Variants in TIMM23 observed in about 807,000 individuals in gnomAD.
TIMM23 encodes the protein mitochondrial import inner membrane translocase subunit Tim23.
TIMM23 carries 19 observed loss-of-function variants against 30.7 expected under a neutral mutation model. The ratio of observed to expected loss-of-function variants is 0.62; its 90% CI spans 0.43 to 0.91. The LOEUF (loss-of-function observed/expected upper bound fraction) is 0.91, where lower values mean the gene tolerates loss of function less well. Ranked by LOEUF, TIMM23 falls within the 40% of genes least tolerant of loss-of-function variation. TIMM23 has a pLI of 0.00. For missense variants in TIMM23, 202 were observed against 269.2 expected, an observed-to-expected ratio of 0.75 and a Z score of 1.75; for synonymous variants, 78 against 98.5, an observed-to-expected ratio of 0.79 and a Z score of 1.23.
In TIMM23 at chr10:45,982,581, T is replaced by G; in HGVS notation, c.224T>G (p.Leu75Arg). 1 of 1,613,994 alleles carries G rather than the reference T, an allele frequency of 6.2e-7. No individual in the cohort carries two copies. Among genetic ancestry groups the G allele is most frequent in the Non-Finnish European group, 8.5e-7 (1 of 1,179,868 alleles). Residue 75 changes from leucine to arginine, a missense_variant, in exon 3 of 7, where the codon CTG becomes CGG. By Grantham distance (102) the Leu-to-Arg change is moderately radical (BLOSUM62 -2). Coordinates refer to ENST00000580018, the MANE Select transcript of TIMM23 (RefSeq NM_006327.4). ...AATAAAACCCGGGGCAGATTTGAGC[T>G]GGCCTTCTTTACGATTGGAGGATGT... ...GANKTRGRFE[L>R]AFFTIGGCCM...
intron 6 of TIMM23, 32 bp downstream of exon 6, chr10:45,988,879 A>G: frequency 4.4e-6 from 7 of 1,605,548 alleles, no homozygotes; most frequent in African/African-American, 1.3e-5. Context: ...GCCATCTCTT[A>G]ATACACTTGA....
At chr10:45,989,741 G>A (rs1838100157) in intron 6 of TIMM23, among the ~76,000 whole-genome samples, 2 of 152,150 alleles carry the variant, frequency 1.3e-5, no homozygotes, top group Non-Finnish European at 2.9e-5. Flanking sequence ...AGTCAATTTA[G>A]AGCATCTTAT....
chr10:45,999,766 C>T (rs1838463203), intron 6 of TIMM23, among the ~76,000 whole-genome samples: 2 of 152,162 alleles, frequency 1.3e-5, no homozygotes, highest in African/African-American at 4.8e-5. Flanking sequence ...GGAATTTCCT[C>T]TTCCTAATAA....
chr10:45,978,955 TA>T (rs1178661262), intron 2 of TIMM23, among the ~76,000 whole-genome samples: 1 of 152,172 alleles, frequency 6.6e-6, no homozygotes, highest in East Asian at 1.9e-4. Context: ...TATTTGGTAA[TA>T]AAAAAAGAAT....
rs1554918186 is a variant in TIMM23 at position 46,003,328 on chromosome 10, C to A, written c.*10C>A. 1.9e-6 allele frequency: 3 copies of A among 1,600,060 alleles called. No homozygotes were observed. The highest frequency in any genetic ancestry group is 2.2e-5 in the South Asian group (2 of 90,716). ...CCAACAGTCACTCTGAAGATTTTGCCAACTCATGAATGGAGGACACTTCAG... is the reference window on the plus strand; with the variant it reads ...CCAACAGTCACTCTGAAGATTTTGCAAACTCATGAATGGAGGACACTTCAG... On this transcript the variant is annotated 3_prime_UTR_variant, in exon 7 of 7. Coordinates refer to ENST00000580018, the MANE Select transcript of TIMM23 (RefSeq NM_006327.4).
Position 45,980,437 on chromosome 10 carries a change from A to C in TIMM23, c.166-2086A>C, listed in dbSNP as rs1300163621. On this transcript the variant is annotated intron_variant, in intron 2 of 6. Coordinates refer to ENST00000580018, the MANE Select transcript of TIMM23 (RefSeq NM_006327.4). ...TACAGTATTGTAGTTTCTCTTACTA[A>C]TGCTTTTGTATTGTCACTACTCTTG... is the stretch of plus-strand genomic sequence containing the variant. Among the ~76,000 whole-genome samples the C allele has an allele frequency of 2.6e-5, 4 of 151,830 alleles. No individual in the cohort carries two copies. The East Asian group carries it at 5.8e-4, about 22-fold the overall frequency.
At chr10:45,994,215 T>C (rs1838258169) in intron 6 of TIMM23, among the ~76,000 whole-genome samples, 1 of 151,996 alleles carries the variant, frequency 6.6e-6, no homozygotes, top group African/African-American at 2.4e-5. Flanking sequence ...AGCGGGTGCC[T>C]GTAATCCCAG....
intron 5 of TIMM23, among the ~76,000 whole-genome samples, chr10:45,987,916 C>T (rs1590120825): frequency 6.6e-6 from 1 of 152,028 alleles, no homozygotes; most frequent in African/African-American, 2.4e-5. Flanking sequence ...TGTGAGCCAC[C>T]ACACCTGGCT....
In TIMM23 at chr10:45,972,704, C is replaced by G. The variant is rs1554911994; in HGVS notation, c.80C>G (p.Ser27Trp). The change falls in exon 1 of 7, where the codon TCG becomes TGG. Residue 27 changes from serine (S) to tryptophan (W), a missense_variant. Physicochemically the swap from Ser to Trp is radical, Grantham distance 177. Coordinates refer to ENST00000580018, the MANE Select transcript of TIMM23 (RefSeq NM_006327.4). ...TTCGGAGCCGGCGGAGCAGGTTACT[C>G]GCACGCGGATTTGGCTGGCGTCCCG... is the stretch of plus-strand genomic sequence containing the variant. ...GFFGAGGAGY[S>W]HADLAGVPLT... 1.2e-6 allele frequency: 2 copies of G among 1,613,956 alleles called. No homozygotes were observed. Among genetic ancestry groups the G allele is most frequent in the Non-Finnish European group, 1.7e-6 (2 of 1,179,878 alleles).
intron 1 of TIMM23, among the ~76,000 whole-genome samples, chr10:45,975,016 A>C (rs1341985006): frequency 2.0e-5 from 3 of 152,224 alleles, no homozygotes; most frequent in African/African-American, 7.2e-5. Flanking sequence ...GCCTTGAAAT[A>C]GTTAGATACA....
At position 45,990,074 on chromosome 10, in the gene TIMM23, A is replaced by G. The variant is rs1320069134; in HGVS notation, c.514+1227A>G. 2.0e-5 allele frequency among the ~76,000 whole-genome samples: 3 copies of G among 151,028 alleles called. No individual in the cohort carries two copies. The East Asian group carries it at 5.8e-4, about 29-fold the overall frequency. The stretch of plus-strand genomic sequence containing the variant: ...TTTTAGTGATGTGCAACAGTGTTCT[A>G]TACGTCTCACCTTAATTCCCTTTTC... On this transcript the variant is annotated intron_variant, in intron 6 of 6. Transcript: ENST00000580018.
intron 6 of TIMM23, among the ~76,000 whole-genome samples, chr10:46,000,727 C>G (rs78951441): frequency 0.016 from 2,394 of 152,266 alleles, 26 homozygotes; most frequent in Middle Eastern, 0.024. Flanking sequence ...CTTTCCAAAG[C>G]CCATGGACTG....
At position 46,003,019 on chromosome 10, in the gene TIMM23, A is replaced by C. The variant is rs916736369; in HGVS notation, c.515-184A>C. Among the ~76,000 whole-genome samples the C allele has an allele frequency of 3.9e-5, 6 of 152,078 alleles. No homozygotes were observed. The South Asian group carries it at 1.2e-3, about 32-fold the overall frequency. On this transcript the variant is annotated intron_variant, in intron 6 of 6. Transcript: ENST00000580018. The stretch of plus-strand genomic sequence containing the variant: ...TTTGAATTTTTAATAGGGTTTCACT[A>C]TGTTGGCCAGGCTGGTTGAACTCCT...
chr10:45,995,955 A>G (rs1389938907), intron 6 of TIMM23, among the ~76,000 whole-genome samples: 4 of 149,854 alleles, frequency 2.7e-5, no homozygotes, highest in Admixed American at 2.0e-4. Context: ...TTACTGAAAA[A>G]CAGAATTCCT....
chr10:45,984,060 A>G (rs1837929154), intron 4 of TIMM23, among the ~76,000 whole-genome samples: 3 of 152,060 alleles, frequency 2.0e-5, no homozygotes, highest in African/African-American at 4.8e-5. Flanking sequence ...AGTTTTTTAT[A>G]TTCCTGTTAC....
At chr10:45,993,056 C>T (rs1554916096) in intron 6 of TIMM23, among the ~76,000 whole-genome samples, 1 of 152,064 alleles carries the variant, frequency 6.6e-6, no homozygotes, top group East Asian at 1.9e-4. Flanking sequence ...TGTTCAGATA[C>T]CACCTTTTCT....
At chr10:45,978,790 C>T (rs1399324765) in intron 2 of TIMM23, among the ~76,000 whole-genome samples, 2 of 151,866 alleles carry the variant, frequency 1.3e-5, no homozygotes, top group African/African-American at 4.8e-5. Flanking sequence ...TGCGTATACT[C>T]CATACTCAAG....
At chr10:45,985,892 A>T (rs1218023371) in intron 5 of TIMM23, among the ~76,000 whole-genome samples, 1 of 152,228 alleles carries the variant, frequency 6.6e-6, no homozygotes, top group African/African-American at 2.4e-5. Flanking sequence ...TAATTGCCAC[A>T]ATTGGAATAG....
At chr10:45,998,684 A>T (rs1262793062) in intron 6 of TIMM23, among the ~76,000 whole-genome samples, 5 of 152,176 alleles carry the variant, frequency 3.3e-5, no homozygotes, top group African/African-American at 1.2e-4. Context: ...ACCAATGTTT[A>T]GTGTCTTGTT....
Sources: allele counts gnomAD v4.1 joint callset (sites outside exome capture counted in the v4.1 genomes callset), GRCh38; gene constraint gnomAD v4.1.1; transcripts MANE v1.5; gene names NCBI Gene and HGNC (gene_info 2026-07-23, HGNC 2026-07-21).